Variants in CEP57L1 observed in about 807,000 individuals in gnomAD.
CEP57L1 encodes centrosomal protein CEP57L1.
A neutral mutation model predicts 61.0 loss-of-function variants in CEP57L1; 37 were observed. The observed-to-expected ratio is 0.61, with a 90% CI of 0.47 to 0.80. CEP57L1 has a LOEUF of 0.80. Among genes scored for constraint, CEP57L1 ranks in the 30% least tolerant of loss-of-function variants. The probability of loss-of-function intolerance (pLI) is 0.00; values close to 1 mark genes in which losing one functional copy is unlikely to be tolerated. For missense variants in CEP57L1, 422 were observed against 524.7 expected (o/e 0.80, Z 1.91); for synonymous variants, 137 against 162.3 (o/e 0.84, Z 1.19).
intron 4 of CEP57L1, among the ~76,000 whole-genome samples, chr6:109,151,624 CT>C (rs1436565898): frequency 6.6e-6 from 1 of 151,996 alleles, no homozygotes; most frequent in Non-Finnish European, 1.5e-5. Flanking sequence ...ATTTTCTGTG[CT>C]TTTTATTTTT....
chr6:109,114,936 T>A (rs1363243412), intron 1 of CEP57L1, among the ~76,000 whole-genome samples: 1 of 152,192 alleles, frequency 6.6e-6, no homozygotes, highest in Admixed American at 6.5e-5. Context: ...TGTATACATG[T>A]ATTGAAATAT....
chr6:109,158,507 C>T (rs1435264797), intron 7 of CEP57L1: 6 of 390,324 alleles, frequency 1.5e-5, no homozygotes, highest in African/African-American at 2.2e-5. Flanking sequence ...AAGGATATTT[C>T]GATTGTTTCC....
intron 1 of CEP57L1, among the ~76,000 whole-genome samples, chr6:109,136,072 C>G (rs956727678): frequency 6.6e-6 from 1 of 152,120 alleles, no homozygotes; most frequent in African/African-American, 2.4e-5. Flanking sequence ...TGGGTATATA[C>G]CCAAAGGATT....
intron 1 of CEP57L1, among the ~76,000 whole-genome samples, chr6:109,114,320 ATTT>A (rs1470404712): frequency 6.6e-6 from 1 of 152,120 alleles, no homozygotes; most frequent in Non-Finnish European, 1.5e-5. Flanking sequence ...GATGTTGAAC[ATTT>A]TAAAGTATAT....
At position 109,123,928 on chromosome 6, in the gene CEP57L1, A is replaced by G. The variant is rs530974364; in HGVS notation, c.-3-21291A>G. ...TATTAAAAAAATACAAAAATTAGCC[A>G]GGCATGGTGGCGTGCACCTGTAATC... On this transcript the variant is annotated intron_variant, in intron 1 of 10. Coordinates refer to ENST00000517392, the MANE Select transcript of CEP57L1 (RefSeq NM_001271852.3). 2.0e-5 allele frequency among the ~76,000 whole-genome samples: 3 copies of G among 152,202 alleles called. No individual in the cohort carries two copies. In the East Asian group the frequency reaches 5.8e-4, roughly 29 times the overall value.
At chr6:109,136,561 TAAA>T (rs373000667) in intron 1 of CEP57L1, among the ~76,000 whole-genome samples, 2 of 138,166 alleles carry the variant, frequency 1.4e-5, no homozygotes, top group African/African-American at 5.4e-5. Context: ...ACTATAAGTA[TAAA>T]AAAAAAAAAA....
At chr6:109,148,259 C>T (rs2114882492) in intron 3 of CEP57L1, among the ~76,000 whole-genome samples, 1 of 152,062 alleles carries the variant, frequency 6.6e-6, no homozygotes, top group South Asian at 2.1e-4. Context: ...CTAATGCTAT[C>T]CCTCCCCTCT....
chr6:109,105,491 T>G (rs915663290), intron 1 of CEP57L1, among the ~76,000 whole-genome samples: 1 of 152,216 alleles, frequency 6.6e-6, no homozygotes, highest in African/African-American at 2.4e-5. Context: ...TTCCCACATA[T>G]GTAAAAGTTT....
intron 1 of CEP57L1, among the ~76,000 whole-genome samples, chr6:109,110,511 A>G (rs1771476043): frequency 6.6e-6 from 1 of 152,206 alleles, no homozygotes; most frequent in Admixed American, 6.5e-5. Context: ...TTTGCTATGC[A>G]GAAGCTCTTT....
intron 2 of CEP57L1, among the ~76,000 whole-genome samples, chr6:109,146,416 T>C (rs1583593632): frequency 6.6e-6 from 1 of 151,978 alleles, no homozygotes; most frequent in Admixed American, 6.6e-5. Flanking sequence ...TTAATGTTCT[T>C]ATTCATATTT....
At position 109,159,513 on chromosome 6, in the gene CEP57L1, T is replaced by C. The variant is rs752382032; in HGVS notation, c.1016+51T>C. On this transcript the variant is annotated intron_variant, in intron 9 of 10. Coordinates refer to ENST00000517392, the MANE Select transcript of CEP57L1 (RefSeq NM_001271852.3). ...TTCAAGAGACAGTGTCTCGCTATGT[T>C]GCCCAGGCTAGTCTTGAACTCCTGG... 12 of 1,543,226 alleles carry C rather than the reference T, an allele frequency of 7.8e-6. No individual in the cohort carries two copies. The Admixed American group carries it at 2.0e-4, about 25-fold the overall frequency.
intron 1 of CEP57L1, among the ~76,000 whole-genome samples, chr6:109,110,688 A>C: frequency 6.6e-6 from 1 of 152,034 alleles, no homozygotes; most frequent in Non-Finnish European, 1.5e-5. Context: ...AATCCATCTT[A>C]AGTTAATTTT....
intron 4 of CEP57L1, among the ~76,000 whole-genome samples, chr6:109,150,980 G>A (rs1236139230): frequency 1.3e-5 from 2 of 152,156 alleles, no homozygotes; most frequent in African/African-American, 4.8e-5. Context: ...GGTCAGAGAT[G>A]CAGGAAGGAA....
intron 1 of CEP57L1, among the ~76,000 whole-genome samples, chr6:109,097,056 C>T (rs1781790278): frequency 6.6e-6 from 1 of 152,174 alleles, no homozygotes; most frequent in Admixed American, 6.5e-5. Context: ...TCTTATGAAT[C>T]TAATTCTTTT....
intron 1 of CEP57L1, among the ~76,000 whole-genome samples, chr6:109,127,743 C>T (rs1316295541): frequency 6.6e-6 from 1 of 151,988 alleles, no homozygotes; most frequent in Admixed American, 6.5e-5. Flanking sequence ...GCCTCAGCCT[C>T]CCGAGTAGCT....
At chr6:109,099,639 T>G (rs1166830195) in intron 1 of CEP57L1, among the ~76,000 whole-genome samples, 1 of 152,144 alleles carries the variant, frequency 6.6e-6, no homozygotes, top group Non-Finnish European at 1.5e-5. Context: ...AAGCTCCGCC[T>G]CCCAGGTTCA....
intron 1 of CEP57L1, among the ~76,000 whole-genome samples, chr6:109,111,985 CT>C (rs1562506015): frequency 6.6e-6 from 1 of 152,084 alleles, no homozygotes; most frequent in Non-Finnish European, 1.5e-5. Context: ...CTGAAATTTT[CT>C]TTTTTTGTTG....
chr6:109,119,732 C>T (rs993258375), intron 1 of CEP57L1, among the ~76,000 whole-genome samples: 1 of 152,048 alleles, frequency 6.6e-6, no homozygotes, highest in East Asian at 1.9e-4. Flanking sequence ...CTGGAGAAGG[C>T]ATTAGGTGTA....
intron 1 of CEP57L1, among the ~76,000 whole-genome samples, chr6:109,120,583 G>A (rs919307068): frequency 6.6e-6 from 1 of 152,064 alleles, no homozygotes; most frequent in African/African-American, 2.4e-5. Flanking sequence ...TTTGTTACCT[G>A]TGGATATTAA....
Sources: gnomAD v4.1 joint callset for allele counts (sites outside exome capture counted in the v4.1 genomes callset) on GRCh38, gnomAD v4.1.1 for gene constraint, MANE v1.5 for transcripts, NCBI Gene and HGNC (gene_info 2026-07-23, HGNC 2026-07-21) for gene names.